PTPRZ1: variants seen among roughly 807,000 people sequenced by gnomAD.
The protein encoded by PTPRZ1 is protein tyrosine phosphatase receptor type Z1.
Under a neutral mutation model 214.1 loss-of-function variants are expected in PTPRZ1, and 82 were observed. That is an observed-to-expected ratio of 0.38 (90% CI 0.32 to 0.46). PTPRZ1 has a LOEUF of 0.46. Among genes scored for constraint, PTPRZ1 ranks in the 20% least tolerant of loss-of-function variants. The pLI, the probability that PTPRZ1 is intolerant of heterozygous loss-of-function variation, is 1.00. For synonymous variants in PTPRZ1, 945 were observed against 987.9 expected (o/e 0.96, Z 0.81); for missense variants, 2,603 against 2,748.7 (o/e 0.95, Z 1.19).
At chr7:121,931,271 G>A (rs747996410) in intron 2 of PTPRZ1, among the ~76,000 whole-genome samples, 11 of 152,168 alleles carry the variant, frequency 7.2e-5, no homozygotes, top group Non-Finnish European at 1.5e-4. Flanking sequence ...ACATAGAGAT[G>A]TTATCACAGA....
chr7:121,944,416 T>C (rs1424868085), intron 2 of PTPRZ1, among the ~76,000 whole-genome samples: 1 of 152,182 alleles, frequency 6.6e-6, no homozygotes, highest in African/African-American at 2.4e-5. Context: ...ATCCTAATAA[T>C]AATAATTTCC....
At chr7:122,005,583 C>T (rs1224703836) in intron 11 of PTPRZ1, among the ~76,000 whole-genome samples, 2 of 151,870 alleles carry the variant, frequency 1.3e-5, no homozygotes. Context: ...TTATAGATTT[C>T]AGCTAAGAAT....
At chr7:121,899,877 A>G (rs1418806737) in intron 1 of PTPRZ1, among the ~76,000 whole-genome samples, 1 of 152,160 alleles carries the variant, frequency 6.6e-6, no homozygotes, top group African/African-American at 2.4e-5. Context: ...CTCTAGCAAT[A>G]GTATTTATGC....
At chr7:121,908,781 T>C (rs1795188307) in intron 1 of PTPRZ1, 3 of 494,214 alleles carry the variant, frequency 6.1e-6, no homozygotes, top group South Asian at 4.6e-5. Context: ...TTAATAGTGC[T>C]ACTCATCTTT....
At chr7:121,919,861 ACTT>A (rs3069079) in intron 1 of PTPRZ1, among the ~76,000 whole-genome samples, 99,252 of 151,428 alleles carry the variant, frequency 0.66, 33,643 homozygotes, top group African/African-American at 0.84. Flanking sequence ...ATTAATTCAC[ACTT>A]CTTCTAAATG....
At chr7:121,992,739 A>G (rs975914555) in intron 8 of PTPRZ1, among the ~76,000 whole-genome samples, 2 of 64,324 alleles carry the variant, frequency 3.1e-5, no homozygotes, top group Admixed American at 4.0e-4. Flanking sequence ...CTGAGACACT[A>G]TCTTCTTCTT....
At chr7:121,967,321 G>T (rs1797074376) in intron 2 of PTPRZ1, among the ~76,000 whole-genome samples, 2 of 152,120 alleles carry the variant, frequency 1.3e-5, no homozygotes, top group African/African-American at 2.4e-5. Flanking sequence ...ATGGGAAGGA[G>T]ATATTTTAAG....
intron 2 of PTPRZ1, among the ~76,000 whole-genome samples, chr7:121,934,069 A>G (rs938037714): frequency 1.9e-4 from 29 of 152,170 alleles, no homozygotes; most frequent in Non-Finnish European, 2.6e-4. Flanking sequence ...CCTGTTGACC[A>G]TGGTTACCCC....
intron 1 of PTPRZ1, among the ~76,000 whole-genome samples, chr7:121,892,832 C>G (rs1363415965): frequency 6.6e-6 from 1 of 150,778 alleles, no homozygotes; most frequent in Non-Finnish European, 1.5e-5. Context: ...CAAGACTTAG[C>G]AATATGCTAG....
chr7:121,956,462 G>T (rs1796709105), intron 2 of PTPRZ1, among the ~76,000 whole-genome samples: 1 of 152,234 alleles, frequency 6.6e-6, no homozygotes, highest in Non-Finnish European at 1.5e-5. Context: ...AGTTTTGAGT[G>T]AGGGTTGACA....
chr7:121,897,130 A>C (rs1455313066), intron 1 of PTPRZ1, among the ~76,000 whole-genome samples: 1 of 152,218 alleles, frequency 6.6e-6, no homozygotes, highest in Non-Finnish European at 1.5e-5. Flanking sequence ...AATCTTTATA[A>C]TGCAATGATA....
At chr7:121,876,788 G>A (rs2116137724) in intron 1 of PTPRZ1, among the ~76,000 whole-genome samples, 1 of 152,172 alleles carries the variant, frequency 6.6e-6, no homozygotes, top group African/African-American at 2.4e-5. Context: ...TCATTTCATT[G>A]ATGAATTCAT....
intron 1 of PTPRZ1, among the ~76,000 whole-genome samples, chr7:121,925,974 G>C (rs1305431926): frequency 6.6e-6 from 1 of 152,060 alleles, no homozygotes. Context: ...AAGTTACCAA[G>C]TGGCTACTAA....
intron 1 of PTPRZ1, among the ~76,000 whole-genome samples, chr7:121,912,186 T>G (rs927174660): frequency 6.6e-6 from 1 of 152,192 alleles, no homozygotes; most frequent in Non-Finnish European, 1.5e-5. Context: ...ATATATTTAT[T>G]GTTAACTGCA....
chr7:122,003,137 G>T (rs929723283), intron 10 of PTPRZ1, among the ~76,000 whole-genome samples: 1 of 152,110 alleles, frequency 6.6e-6, no homozygotes, highest in African/African-American at 2.4e-5. Flanking sequence ...GAAACGTAAA[G>T]AATAAAGAGC....
intron 6 of PTPRZ1, 67 bp downstream of exon 6, chr7:121,976,918 C>T (rs182119906): frequency 5.2e-5 from 70 of 1,355,764 alleles, no homozygotes; most frequent in South Asian, 1.2e-4. Context: ...GTTGACAATA[C>T]GACAAAAGTC....
chr7:121,887,925 C>T (rs1229064882), intron 1 of PTPRZ1, among the ~76,000 whole-genome samples: 1 of 152,058 alleles, frequency 6.6e-6, no homozygotes, highest in South Asian at 2.1e-4. Flanking sequence ...CCTTTTATCC[C>T]TTTCTACCAA....
intron 8 of PTPRZ1, among the ~76,000 whole-genome samples, chr7:121,994,739 C>T (rs1446632351): frequency 3.9e-5 from 6 of 152,132 alleles, no homozygotes; most frequent in Non-Finnish European, 7.3e-5. Flanking sequence ...TGAAGGTCTT[C>T]TGCCATCTGG....
Position 121,873,165 on chromosome 7 carries a change from C to T in PTPRZ1, c.-335C>T, listed in dbSNP as rs1793928447. ...TTCGCTGCTCTCGGAGCGCTCAGAC[C>T]GCGGCCGCCGCAGCCGGCGAAAGAG... On this transcript the variant is annotated 5_prime_UTR_variant, in exon 1 of 30. Coordinates refer to ENST00000393386, the MANE Select transcript of PTPRZ1 (RefSeq NM_002851.3). 4.8e-6 allele frequency: 2 copies of T among 413,506 alleles called. No homozygotes were observed. Among genetic ancestry groups the T allele is most frequent in the Non-Finnish European group, 4.3e-6 (1 of 235,186 alleles). The allele number at this position is 413,506 out of a possible 1,614,324, so 25.6% of individuals were successfully genotyped here.
Sources: gnomAD v4.1 joint callset for allele counts (sites outside exome capture counted in the v4.1 genomes callset) on GRCh38, gnomAD v4.1.1 for gene constraint, MANE v1.5 for transcripts, NCBI Gene and HGNC (gene_info 2026-07-23, HGNC 2026-07-21) for gene names.